The following LGR6 variants were observed in gnomAD, a reference collection of about 807,000 sequenced individuals.
The protein encoded by LGR6 is leucine-rich repeat-containing G protein-coupled receptor 6.
A neutral mutation model predicts 69.4 loss-of-function variants in LGR6; 45 were observed. That is an observed-to-expected ratio of 0.65 (90% CI 0.51 to 0.83). LGR6 has a LOEUF of 0.83. LGR6 is among the 40% of genes least tolerant of loss of function. The pLI is 0.00. For synonymous variants in LGR6, 538 were observed against 555.0 expected (o/e 0.97, Z 0.43); for missense variants, 1,108 against 1,246.7 (o/e 0.89, Z 1.68).
rs189290566 is a variant in LGR6, at chr1:202,308,871, C to A, written c.1281-180C>A. 3.9e-3 allele frequency among the ~76,000 whole-genome samples: 587 copies of A among 152,338 alleles called. 3 individuals carry two copies. Among genetic ancestry groups the A allele is most frequent in the African/African-American group, 0.014 (565 of 41,572 alleles). On this transcript the variant is annotated intron_variant, in intron 14 of 17. Transcript: ENST00000367278. ...AATGAACAACCTGCAGATGGTGCCTCTAGCAACTCTTGGCTGCCCTCCTCC... is the reference window on the plus strand; with the variant it reads ...AATGAACAACCTGCAGATGGTGCCTATAGCAACTCTTGGCTGCCCTCCTCC...
intron 14 of LGR6, 89 bp from the exon 15 acceptor site, chr1:202,308,962 C>T: frequency 6.6e-7 from 1 of 1,507,842 alleles, no homozygotes; most frequent in East Asian, 2.3e-5. Flanking sequence ...TTGCTTCCAT[C>T]CCAGGCACAC....
chr1:202,310,091 A>G, intron 15 of LGR6, 106 bp from the exon 16 acceptor site: 1 of 1,147,430 alleles, frequency 8.7e-7, no homozygotes, highest in South Asian at 1.4e-5. Flanking sequence ...GTTGAAGGAC[A>G]GACACTGAGT....
intron 1 of LGR6, among the ~76,000 whole-genome samples, chr1:202,197,278 C>T (rs952803932): frequency 2.6e-5 from 4 of 152,194 alleles, no homozygotes; most frequent in African/African-American, 4.8e-5. Context: ...ACCAGAAAGG[C>T]GTCTTTATAG....
At chr1:202,215,379 T>C (rs1659708452) in intron 1 of LGR6, among the ~76,000 whole-genome samples, 2 of 152,078 alleles carry the variant, frequency 1.3e-5, no homozygotes, top group East Asian at 1.9e-4. Flanking sequence ...AGGAGGGAAG[T>C]GCAGTTTTTA....
At chr1:202,306,737 C>G (rs747650952) in intron 12 of LGR6, 131 bp from the exon 13 acceptor site, 1 of 838,474 alleles carries the variant, frequency 1.2e-6, no homozygotes, top group South Asian at 1.4e-5. Flanking sequence ...GTGACTTCCT[C>G]GGGCTGGGCC....
At chr1:202,316,169 G>A (rs1455372015) in intron 17 of LGR6, among the ~76,000 whole-genome samples, 1 of 152,150 alleles carries the variant, frequency 6.6e-6, no homozygotes, top group African/African-American at 2.4e-5. Context: ...GAATACCTAA[G>A]GCTAGGTAAT....
At chr1:202,237,131 G>A (rs1269877334) in intron 4 of LGR6, among the ~76,000 whole-genome samples, 1 of 152,132 alleles carries the variant, frequency 6.6e-6, no homozygotes, top group Non-Finnish European at 1.5e-5. Context: ...TCAGCTGCTC[G>A]ATCGATCGGC....
chr1:202,253,099 A>C (rs1421357154), intron 4 of LGR6, among the ~76,000 whole-genome samples: 1 of 152,228 alleles, frequency 6.6e-6, no homozygotes, highest in East Asian at 1.9e-4. Flanking sequence ...CTCTGAAAAT[A>C]GTGCTGCTTT....
At chr1:202,198,691 T>TG (rs1301432027) in intron 1 of LGR6, among the ~76,000 whole-genome samples, 27 of 148,376 alleles carry the variant, frequency 1.8e-4, no homozygotes, top group African/African-American at 6.4e-4. Flanking sequence ...TTTTTTTTTT[T>TG]TTTTTAAGAG....
intron 16 of LGR6, among the ~76,000 whole-genome samples, chr1:202,311,761 A>T (rs550499774): frequency 6.6e-6 from 1 of 152,254 alleles, no homozygotes; most frequent in Non-Finnish European, 1.5e-5. Flanking sequence ...AAGTATGCTC[A>T]TCGCTACTAC....
chr1:202,281,479 T>C (rs1256560587), intron 6 of LGR6, among the ~76,000 whole-genome samples: 1 of 152,106 alleles, frequency 6.6e-6, no homozygotes, highest in Non-Finnish European at 1.5e-5. Flanking sequence ...AACCCTCCCA[T>C]CATTTCCTGT....
intron 4 of LGR6, among the ~76,000 whole-genome samples, chr1:202,238,752 T>C (rs1571870128): frequency 6.6e-6 from 1 of 151,958 alleles, no homozygotes; most frequent in Non-Finnish European, 1.5e-5. Context: ...ACAAAATTTT[T>C]TGAGGTGGCA....
At chr1:202,242,544 C>T (rs1166539491) in intron 4 of LGR6, among the ~76,000 whole-genome samples, 1 of 152,216 alleles carries the variant, frequency 6.6e-6, no homozygotes, top group Admixed American at 6.5e-5. Flanking sequence ...AATGGGGTTA[C>T]TGGCTCTGCT....
chr1:202,207,049 C>G (rs1174048459), intron 1 of LGR6, among the ~76,000 whole-genome samples: 1 of 152,080 alleles, frequency 6.6e-6, no homozygotes, highest in Non-Finnish European at 1.5e-5. Flanking sequence ...TCTCAAGTAG[C>G]TGGGATTATA....
intron 4 of LGR6, among the ~76,000 whole-genome samples, chr1:202,249,773 C>T (rs1286080143): frequency 1.3e-5 from 2 of 152,168 alleles, no homozygotes; most frequent in East Asian, 3.8e-4. Context: ...TCCTTACTTC[C>T]TGGTGGCCAC....
At chr1:202,216,591 C>T (rs181349988) in intron 1 of LGR6, among the ~76,000 whole-genome samples, 21 of 152,294 alleles carry the variant, frequency 1.4e-4, no homozygotes, top group Admixed American at 8.5e-4. Flanking sequence ...GTGGCCACTG[C>T]GCTGGACAGT....
At chr1:202,204,070 G>T (rs1224069562) in intron 1 of LGR6, among the ~76,000 whole-genome samples, 1 of 152,006 alleles carries the variant, frequency 6.6e-6, no homozygotes, top group Non-Finnish European at 1.5e-5. Flanking sequence ...TTGTGGACAG[G>T]AGCTGTGTTT....
rs1458992912 is a variant in LGR6, at chr1:202,307,356, C to T, written c.1235C>T (p.Ser412Phe). 6.2e-7 allele frequency: 1 copy of T among 1,614,160 alleles called. No homozygotes were observed. The highest frequency in any genetic ancestry group is 8.5e-7 in the Non-Finnish European group (1 of 1,180,020). Residue 412 changes from serine (S) to phenylalanine (F), a missense_variant, in exon 14 of 18, where the codon TCC becomes TTC. Physicochemically the swap from Ser to Phe is radical, Grantham distance 155. Coordinates refer to ENST00000367278, the MANE Select transcript of LGR6 (RefSeq NM_001017403.2). ...ALDLSWNAIR[S>F]IHPEAFSTLH... ...GATCTTAGCTGGAACGCCATCCGGT[C>T]CATCCACCCCGAGGCCTTCTCCACC...
chr1:202,205,471 C>T (rs1419715376), intron 1 of LGR6, among the ~76,000 whole-genome samples: 31 of 141,862 alleles, frequency 2.2e-4, no homozygotes, highest in African/African-American at 4.3e-4. Context: ...CAAACACACA[C>T]ACACCTCCTT....
Sources: allele counts gnomAD v4.1 joint callset (sites outside exome capture counted in the v4.1 genomes callset), GRCh38; gene constraint gnomAD v4.1.1; transcripts MANE v1.5; gene names NCBI Gene and HGNC (gene_info 2026-07-23, HGNC 2026-07-21).